The following TRAM2 variants were observed in gnomAD, a reference collection of about 807,000 sequenced individuals.
TRAM2 encodes the protein translocation associated membrane protein 2, also known as translocating chain-associated membrane protein 2.
In TRAM2, 12 loss-of-function variants were observed where a neutral mutation model predicts 51.0. The ratio of observed to expected loss-of-function variants is 0.24; its 90% CI spans 0.15 to 0.38. The LOEUF is 0.38. Ranked by LOEUF, TRAM2 falls within the 10% of genes least tolerant of loss-of-function variation. TRAM2 has a pLI of 1.00. For synonymous variants in TRAM2, 175 were observed against 179.4 expected (o/e 0.98, Z 0.20); for missense variants, 361 against 462.0 (o/e 0.78, Z 2.00).
intron 1 of TRAM2, among the ~76,000 whole-genome samples, chr6:52,552,818 C>A (rs567721565): frequency 1.3e-5 from 2 of 152,332 alleles, no homozygotes; most frequent in Non-Finnish European, 2.9e-5. Context: ...GTTCAACATG[C>A]CAAACCTGGT....
chr6:52,566,642 C>A (rs1411795236), intron 1 of TRAM2, among the ~76,000 whole-genome samples: 1 of 152,186 alleles, frequency 6.6e-6, no homozygotes, highest in Non-Finnish European at 1.5e-5. Context: ...CACCTCCACC[C>A]TTGTCCCCAC....
Position 52,576,779 on chromosome 6 carries a change from C to T in TRAM2, c.120+17G>A. The stretch of plus-strand genomic sequence containing the variant: ...GGGGGCACTGTCCCTCCAGCTCCCT[C>T]CTCCCCAGGCTCTCACCTCGAACAT... On this transcript the variant is annotated intron_variant, in intron 1 of 10. Transcript: ENST00000182527. 6.2e-7 allele frequency: 1 copy of T among 1,611,322 alleles called. No homozygotes were observed. Among genetic ancestry groups the T allele is most frequent in the Non-Finnish European group, 8.5e-7 (1 of 1,178,614 alleles).
At chr6:52,517,073 T>C (rs1479068403) in intron 2 of TRAM2, 1 of 245,328 alleles carries the variant, frequency 4.1e-6, no homozygotes, top group African/African-American at 2.3e-5. Context: ...CCTAACTGTG[T>C]GACTGTGGAT....
chr6:52,555,287 A>C, intron 1 of TRAM2, among the ~76,000 whole-genome samples: 1 of 140,432 alleles, frequency 7.1e-6, no homozygotes, highest in South Asian at 2.3e-4. Flanking sequence ...TCTACCCCCA[A>C]CCCACCACCT....
At chr6:52,562,341 C>T (rs1767515589) in intron 1 of TRAM2, among the ~76,000 whole-genome samples, 1 of 152,114 alleles carries the variant, frequency 6.6e-6, no homozygotes, top group Non-Finnish European at 1.5e-5. Context: ...AAAAAGTGGG[C>T]TGCAGTTTGA....
chr6:52,547,188 G>T (rs1265461656), intron 1 of TRAM2, among the ~76,000 whole-genome samples: 1 of 152,150 alleles, frequency 6.6e-6, no homozygotes, highest in Non-Finnish European at 1.5e-5. Context: ...CTTAGACCAC[G>T]TGTGGTGACA....
chr6:52,510,719 A>G (rs1472302375), intron 4 of TRAM2, among the ~76,000 whole-genome samples: 1 of 152,208 alleles, frequency 6.6e-6, no homozygotes, highest in Non-Finnish European at 1.5e-5. Context: ...TGGAGGTGAA[A>G]TATACTACCT....
At chr6:52,535,953 G>A (rs1209140653) in intron 1 of TRAM2, 107 bp from the exon 2 acceptor site, 2 of 882,252 alleles carry the variant, frequency 2.3e-6, no homozygotes, top group Non-Finnish European at 3.5e-6. Flanking sequence ...CAAACCTCTT[G>A]ACTGAACGGT....
At chr6:52,529,700 G>C (rs531704353) in intron 2 of TRAM2, 1 of 152,314 alleles carries the variant, frequency 6.6e-6, no homozygotes, top group Non-Finnish European at 1.5e-5. Flanking sequence ...CAGGTGTTAA[G>C]TGTTTCACCC....
intron 1 of TRAM2, among the ~76,000 whole-genome samples, chr6:52,538,357 C>G (rs1335739081): frequency 6.6e-6 from 1 of 152,182 alleles, no homozygotes; most frequent in Non-Finnish European, 1.5e-5. Flanking sequence ...AAGCCTCTCT[C>G]CAGCTGTGTG....
intron 1 of TRAM2, among the ~76,000 whole-genome samples, chr6:52,557,091 G>A (rs1239792672): frequency 6.6e-6 from 1 of 151,996 alleles, no homozygotes; most frequent in Non-Finnish European, 1.5e-5. Context: ...TACTTAGGAG[G>A]CTGAGGCAGG....
chr6:52,528,207 T>C (rs1313564885), intron 2 of TRAM2, among the ~76,000 whole-genome samples: 3 of 152,108 alleles, frequency 2.0e-5, no homozygotes, highest in Non-Finnish European at 4.4e-5. Context: ...GGTGCATCCT[T>C]GGGAGCACCA....
At chr6:52,544,560 C>T (rs1235235525) in intron 1 of TRAM2, among the ~76,000 whole-genome samples, 3 of 152,248 alleles carry the variant, frequency 2.0e-5, no homozygotes, top group Non-Finnish European at 4.4e-5. Flanking sequence ...TGCATCCTAA[C>T]ACACTCGGCA....
chr6:52,551,317 G>A (rs1424538620), intron 1 of TRAM2, among the ~76,000 whole-genome samples: 2 of 152,190 alleles, frequency 1.3e-5, no homozygotes, highest in African/African-American at 4.8e-5. Context: ...TATCTGATCT[G>A]TTTCAGCCCG....
intron 1 of TRAM2, among the ~76,000 whole-genome samples, chr6:52,568,174 C>A (rs1440838694): frequency 6.6e-6 from 1 of 152,206 alleles, no homozygotes; most frequent in Non-Finnish European, 1.5e-5. Flanking sequence ...CGCTTCCCTG[C>A]TGCAGGCCCT....
intron 1 of TRAM2, among the ~76,000 whole-genome samples, chr6:52,550,152 C>T (rs1364819282): frequency 6.6e-6 from 1 of 152,192 alleles, no homozygotes; most frequent in African/African-American, 2.4e-5. Flanking sequence ...AAGGGGTATT[C>T]ATCACCTGGC....
intron 2 of TRAM2, among the ~76,000 whole-genome samples, chr6:52,531,089 AC>A (rs1299052778): frequency 1.4e-5 from 2 of 138,436 alleles, no homozygotes; most frequent in African/African-American, 2.7e-5. Context: ...TAAGGAAGAA[AC>A]CTTAGAAGTC....
intron 5 of TRAM2, 102 bp downstream of exon 5, chr6:52,509,426 T>C: frequency 8.7e-7 from 1 of 1,143,992 alleles, no homozygotes; most frequent in Non-Finnish European, 1.3e-6. Context: ...GATCTGCTCG[T>C]CAGGCCAGCT....
intron 4 of TRAM2, 63 bp from the exon 5 acceptor site, chr6:52,509,649 G>A (rs1489004050): frequency 6.6e-7 from 1 of 1,524,062 alleles, no homozygotes; most frequent in Non-Finnish European, 9.1e-7. Context: ...GGGGCCCTGG[G>A]ACCGGTCCAG....
Sources: gnomAD v4.1 joint callset for allele counts (sites outside exome capture counted in the v4.1 genomes callset) on GRCh38, gnomAD v4.1.1 for gene constraint, MANE v1.5 for transcripts, NCBI Gene and HGNC (gene_info 2026-07-23, HGNC 2026-07-21) for gene names.